CNTLN: variants seen among roughly 807,000 people sequenced by gnomAD.
CNTLN encodes the protein centlein.
Under a neutral mutation model 180.0 loss-of-function variants are expected in CNTLN, and 212 were observed. The ratio of observed to expected loss-of-function variants is 1.18; its 90% CI spans 1.05 to 1.32. The LOEUF is 1.32. Ranked by LOEUF, CNTLN falls within the 40% of genes most tolerant of loss-of-function variation. CNTLN has a pLI of 0.00. For synonymous variants in CNTLN, 722 were observed against 563.1 expected, an observed-to-expected ratio of 1.28 and a Z score of -3.99; for missense variants, 2,095 against 1,610.9, an observed-to-expected ratio of 1.30 and a Z score of -5.14.
chr9:17,505,895 C>A (rs1236854661), downstream of CNTLN, among the ~76,000 whole-genome samples: 1 of 152,052 alleles, frequency 6.6e-6, no homozygotes, highest in East Asian at 1.9e-4. Flanking sequence ...CTACACTAAT[C>A]AGGAGTGTGT....
intron 8 of CNTLN, among the ~76,000 whole-genome samples, chr9:17,321,268 A>G (rs1183634979): frequency 6.6e-6 from 1 of 152,164 alleles, no homozygotes; most frequent in Admixed American, 6.6e-5. Context: ...CAGTTCCAAG[A>G]TAATTGAGAC....
At chr9:17,437,698 G>C (rs151301312) in intron 18 of CNTLN, among the ~76,000 whole-genome samples, 2 of 152,078 alleles carry the variant, frequency 1.3e-5, no homozygotes, top group African/African-American at 2.4e-5. Context: ...CATGTAAAGC[G>C]CTATAATAAT....
intron 2 of CNTLN, among the ~76,000 whole-genome samples, chr9:17,203,693 A>G (rs1343793139): frequency 2.0e-5 from 3 of 152,060 alleles, no homozygotes; most frequent in South Asian, 4.2e-4. Flanking sequence ...AGTAGCCGGG[A>G]CTACAGGCAC....
At chr9:17,340,001 T>TA (rs954716436) in intron 10 of CNTLN, among the ~76,000 whole-genome samples, 1 of 151,610 alleles carries the variant, frequency 6.6e-6, no homozygotes, top group Non-Finnish European at 1.5e-5. Flanking sequence ...AAAAATAAAA[T>TA]AAAAAATTGG....
intron 23 of CNTLN, among the ~76,000 whole-genome samples, chr9:17,472,381 C>T (rs1832082559): frequency 6.6e-6 from 1 of 152,064 alleles, no homozygotes. Context: ...TTTTAGAATG[C>T]TAGTCATACA....
chr9:17,377,695 C>T (rs1824889627), intron 13 of CNTLN, among the ~76,000 whole-genome samples: 1 of 152,088 alleles, frequency 6.6e-6, no homozygotes, highest in Non-Finnish European at 1.5e-5. Context: ...TATTGGGTTA[C>T]ACCCTTTTTT....
chr9:17,320,691 C>T (rs1440121880), intron 8 of CNTLN, among the ~76,000 whole-genome samples: 2 of 151,632 alleles, frequency 1.3e-5, no homozygotes, highest in Non-Finnish European at 2.9e-5. Flanking sequence ...TTAGTAGACA[C>T]GGGGTTTCAC....
At chr9:17,288,436 T>C (rs1008089089) in intron 6 of CNTLN, among the ~76,000 whole-genome samples, 13 of 142,994 alleles carry the variant, frequency 9.1e-5, no homozygotes, top group South Asian at 7.5e-4. Flanking sequence ...CAGTATGTGG[T>C]CAATTTTGGA....
intron 5 of CNTLN, among the ~76,000 whole-genome samples, chr9:17,271,852 G>T (rs890856385): frequency 6.6e-6 from 1 of 152,034 alleles, no homozygotes; most frequent in Admixed American, 6.6e-5. Context: ...TTTTGATTTG[G>T]TTCCTCTATG....
intron 18 of CNTLN, among the ~76,000 whole-genome samples, chr9:17,446,978 A>T (rs1323992874): frequency 2.6e-5 from 4 of 152,200 alleles, no homozygotes; most frequent in Non-Finnish European, 5.9e-5. Flanking sequence ...ATTGTACTTT[A>T]AAAGTTATGG....
chr9:17,474,296 G>C (rs1170816793), intron 23 of CNTLN, among the ~76,000 whole-genome samples: 1 of 152,080 alleles, frequency 6.6e-6, no homozygotes, highest in Non-Finnish European at 1.5e-5. Flanking sequence ...GCTTCTCCTA[G>C]CTTTTTTTCT....
At chr9:17,207,716 G>C (rs753868937) in intron 2 of CNTLN, among the ~76,000 whole-genome samples, 1 of 151,868 alleles carries the variant, frequency 6.6e-6, no homozygotes, top group Non-Finnish European at 1.5e-5. Flanking sequence ...CCCTCACTTG[G>C]AAATGAAGAA....
intron 10 of CNTLN, among the ~76,000 whole-genome samples, chr9:17,334,413 A>G (rs970360737): frequency 4.6e-5 from 5 of 108,186 alleles, no homozygotes; most frequent in African/African-American, 1.7e-4. Flanking sequence ...AAACAGAGCC[A>G]ATAGAATACA....
At chr9:17,177,780 C>T (rs760025149) in intron 2 of CNTLN, among the ~76,000 whole-genome samples, 10 of 152,078 alleles carry the variant, frequency 6.6e-5, no homozygotes, top group Non-Finnish European at 1.2e-4. Context: ...AGTGTGGACC[C>T]AAAGAGTGAG....
intron 2 of CNTLN, among the ~76,000 whole-genome samples, chr9:17,160,951 A>G (rs1385165831): frequency 1.3e-5 from 2 of 152,180 alleles, no homozygotes; most frequent in African/African-American, 4.8e-5. Context: ...AGAGAAAGAG[A>G]TAGCTCTGCA....
At chr9:17,261,725 G>C (rs956721987) in intron 5 of CNTLN, among the ~76,000 whole-genome samples, 1 of 150,776 alleles carries the variant, frequency 6.6e-6, no homozygotes, top group Non-Finnish European at 1.5e-5. Flanking sequence ...AGTGGTAAGA[G>C]TGGGCATGGC....
chr9:17,430,320 A>G (rs1289905919), intron 18 of CNTLN, among the ~76,000 whole-genome samples: 2 of 152,014 alleles, frequency 1.3e-5, no homozygotes, highest in East Asian at 3.8e-4. Flanking sequence ...ATTAGTAATT[A>G]ATATCATTAA....
intron 13 of CNTLN, among the ~76,000 whole-genome samples, chr9:17,386,622 G>A (rs1225201361): frequency 2.0e-5 from 3 of 151,890 alleles, no homozygotes; most frequent in African/African-American, 2.4e-5. Context: ...TGTATAAACC[G>A]GTGAAGGGGA....
At chr9:17,285,625 T>G (rs1211398158) in intron 6 of CNTLN, among the ~76,000 whole-genome samples, 1 of 113,044 alleles carries the variant, frequency 8.8e-6, no homozygotes, top group Non-Finnish European at 1.7e-5. Flanking sequence ...CCACCAACAG[T>G]GTAAAAGTGT....
Sources: gnomAD v4.1 joint callset for allele counts (sites outside exome capture counted in the v4.1 genomes callset) on GRCh38, gnomAD v4.1.1 for gene constraint, MANE v1.5 for transcripts, NCBI Gene and HGNC (gene_info 2026-07-23, HGNC 2026-07-21) for gene names.